SVOPL: variants seen among roughly 807,000 people sequenced by gnomAD.
SVOPL encodes putative transporter SVOPL.
In SVOPL, 60 loss-of-function variants were observed where a neutral mutation model predicts 61.0. The ratio of observed to expected loss-of-function variants is 0.98; its 90% confidence interval spans 0.80 to 1.22. The LOEUF (loss-of-function observed/expected upper bound fraction) is 1.22, where lower values mean the gene tolerates loss of function less well. Among genes scored for constraint, SVOPL ranks in the 50% most tolerant of loss-of-function variants. The probability of loss-of-function intolerance (pLI) is 0.00; values close to 1 mark genes in which losing one functional copy is unlikely to be tolerated. For synonymous variants in SVOPL, 279 were observed against 250.0 expected (o/e 1.12, Z -1.09); for missense variants, 662 against 643.9 (o/e 1.03, Z -0.30).
intron 8 of SVOPL, among the ~76,000 whole-genome samples, chr7:138,646,812 TC>T (rs1049939762): frequency 6.6e-6 from 1 of 152,158 alleles, no homozygotes; most frequent in African/African-American, 2.4e-5. Context: ...AGCCACCATG[TC>T]TGGCCAGCAG....
chr7:138,597,319 C>A (rs1474313631), intron 14 of SVOPL: 1 of 1,032,194 alleles, frequency 9.7e-7, no homozygotes, highest in African/African-American at 1.7e-5. Context: ...ACAATTTCTT[C>A]CCTTTACAGA....
intron 14 of SVOPL, among the ~76,000 whole-genome samples, chr7:138,606,719 G>A (rs543556356): frequency 4.7e-4 from 72 of 152,116 alleles, no homozygotes; most frequent in East Asian, 1.6e-3. Context: ...TTTGGGAGGC[G>A]GAGGCAGGTG....
Position 138,596,404 on chromosome 7 carries a change from C to T in SVOPL, c.1467+13G>A, listed in dbSNP as rs1221629183. On this transcript the variant is annotated intron_variant, in intron 15 of 15. Coordinates refer to ENST00000674285, the MANE Select transcript of SVOPL (RefSeq NM_001139456.2). ...GTAGTTGAAAAGACTTCAGAGTTCC[C>T]TGCATCACTCACCTGGAGGGCCCGT... 1 of 1,612,728 alleles carries T rather than the reference C, an allele frequency of 6.2e-7. No individual in the cohort carries two copies. Among genetic ancestry groups the T allele is most frequent in the Non-Finnish European group, 8.5e-7 (1 of 1,179,254 alleles).
chr7:138,683,462 G>A lies in SVOPL; in HGVS notation c.-34-4383C>T, dbSNP rs113058849. ...ATCTCACTGCAACCTCTGCCCCCCG[G>A]GTTCAAGCAATTCTCCTGCCTCAGC... On this transcript the variant is annotated intron_variant, in intron 1 of 15. Coordinates refer to ENST00000674285, the MANE Select transcript of SVOPL (RefSeq NM_001139456.2). 5.4e-3 allele frequency among the ~76,000 whole-genome samples: 815 copies of A among 152,074 alleles called. 9 individuals are homozygous for A. Among genetic ancestry groups the A allele is most frequent in the South Asian group, 9.2e-3 (44 of 4,802 alleles).
intron 15 of SVOPL, 85 bp from the exon 16 acceptor site, chr7:138,594,706 T>C: frequency 2.1e-6 from 2 of 965,264 alleles, no homozygotes; most frequent in Non-Finnish European, 2.9e-6. Context: ...ATTTTAGTAA[T>C]AGAAGATTCT....
intron 7 of SVOPL, among the ~76,000 whole-genome samples, chr7:138,655,407 A>G (rs1193656673): frequency 6.6e-6 from 1 of 152,120 alleles, no homozygotes; most frequent in African/African-American, 2.4e-5. Context: ...TGGGAGGTTG[A>G]GGCAGGAGAA....
intron 4 of SVOPL, among the ~76,000 whole-genome samples, chr7:138,671,128 G>C (rs565206105): frequency 7.9e-5 from 12 of 152,150 alleles, no homozygotes; most frequent in Admixed American, 7.9e-4. Context: ...CAATGTTGGG[G>C]AGCAGTGGCT....
At chr7:138,641,403 C>A (rs1800775622) in intron 9 of SVOPL, among the ~76,000 whole-genome samples, 1 of 151,902 alleles carries the variant, frequency 6.6e-6, no homozygotes, top group Non-Finnish European at 1.5e-5. Context: ...GGGCGCGGGG[C>A]CTCACGCCTG....
Position 138,672,112 on chromosome 7 carries a change from A to C in SVOPL, c.180T>G (p.Val60=). Reference sequence around the variant, plus strand: ...CTATCAACATGATCTCCATGGCCTCAACCACCTTAAAGAAGAGGGACACCA... The same window carrying C: ...CTATCAACATGATCTCCATGGCCTCCACCACCTTAAAGAAGAGGGACACCA... The part of the protein sequence containing the change: ...LFLIMGSTGV[V]EAMEIMLIAV... The change falls in exon 4 of 16, where the codon GTT becomes GTG. Residue 60 remains valine, a synonymous_variant. Transcript: ENST00000674285. 1 of 1,551,668 alleles carries C rather than the reference A, an allele frequency of 6.4e-7. No homozygotes were observed. Among genetic ancestry groups the C allele is most frequent in the East Asian group, 2.4e-5 (1 of 40,894 alleles).
In SVOPL at chr7:138,601,076, CCT is replaced by C. The variant is rs1798498228; in HGVS notation, c.1354-4548_1354-4547del. ...ACCATCCTGGCTAACATGGTGAAACCCTGTCTCTACTAAAAAATACAAAAAAT... is the reference window on the plus strand; with the variant it reads ...ACCATCCTGGCTAACATGGTGAAACCGTCTCTACTAAAAAATACAAAAAAT... On this transcript the variant is annotated intron_variant, in intron 14 of 15. Transcript: ENST00000674285. Among the ~76,000 whole-genome samples, 9 of 151,842 alleles carry C rather than the reference CCT, an allele frequency of 5.9e-5. No homozygotes were observed. In the South Asian group the frequency reaches 1.9e-3, roughly 32 times the overall value.
chr7:138,658,659 C>T (rs557209946), intron 6 of SVOPL, among the ~76,000 whole-genome samples: 16 of 152,094 alleles, frequency 1.1e-4, no homozygotes, highest in Non-Finnish European at 2.4e-4. Flanking sequence ...AATGACTAGC[C>T]TTATGAACAA....
At chr7:138,595,383 C>A (rs955499302) in intron 15 of SVOPL, among the ~76,000 whole-genome samples, 1 of 152,094 alleles carries the variant, frequency 6.6e-6, no homozygotes, top group Non-Finnish European at 1.5e-5. Context: ...TTAGCCCAGA[C>A]AATTGTATGT....
At chr7:138,689,295 G>C in intron 1 of SVOPL, 1 of 1,591,652 alleles carries the variant, frequency 6.3e-7, no homozygotes, top group Non-Finnish European at 8.5e-7. Flanking sequence ...AGAACTTAAG[G>C]GTTTAGATGT....
In SVOPL at chr7:138,644,865, A is replaced by T; in HGVS notation, c.661-20T>A. 1 of 1,614,100 alleles carries T rather than the reference A, an allele frequency of 6.2e-7. No homozygotes were observed. Among genetic ancestry groups the T allele is most frequent in the African/African-American group, 1.3e-5 (1 of 75,044 alleles). On this transcript the variant is annotated intron_variant, in intron 8 of 15. Transcript: ENST00000674285. ...AATAAACTGGGTAGAGATTACAAAG[A>T]ACATCAGAGTGGCCACTGCTATAGA...
chr7:138,626,177 C>T, intron 12 of SVOPL, 127 bp from the exon 13 acceptor site: 2 of 887,730 alleles, frequency 2.3e-6, no homozygotes, highest in South Asian at 1.6e-5. Flanking sequence ...GAGGGAGGTG[C>T]TGCTTCTCAG....
intron 9 of SVOPL, among the ~76,000 whole-genome samples, chr7:138,639,581 C>T (rs1337278733): frequency 6.7e-6 from 1 of 149,056 alleles, no homozygotes; most frequent in Non-Finnish European, 1.5e-5. Flanking sequence ...GACTGTGCCT[C>T]TGCACTACAG....
At chr7:138,698,486 G>T (rs976075029) in intron 1 of SVOPL, among the ~76,000 whole-genome samples, 1 of 152,126 alleles carries the variant, frequency 6.6e-6, no homozygotes, top group Non-Finnish European at 1.5e-5. Flanking sequence ...CAAATTGAAA[G>T]ACGGAAACTT....
At chr7:138,607,329 A>G (rs1798803512) in intron 14 of SVOPL, among the ~76,000 whole-genome samples, 1 of 152,222 alleles carries the variant, frequency 6.6e-6, no homozygotes, top group Non-Finnish European at 1.5e-5. Context: ...TGGAGAGTGA[A>G]ATAAGAAACT....
At chr7:138,670,103 A>G (rs939438277) in intron 4 of SVOPL, among the ~76,000 whole-genome samples, 1 of 152,220 alleles carries the variant, frequency 6.6e-6, no homozygotes, top group East Asian at 1.9e-4. Flanking sequence ...AGAAAAAATT[A>G]TGACAGTGAA....
Sources: allele counts gnomAD v4.1 joint callset (sites outside exome capture counted in the v4.1 genomes callset), GRCh38; gene constraint gnomAD v4.1.1; transcripts MANE v1.5; gene names NCBI Gene and HGNC (gene_info 2026-07-23, HGNC 2026-07-21).